The following GRK3 variants were observed in gnomAD, a reference collection of about 807,000 sequenced individuals.
GRK3 encodes adrenergic, beta, receptor kinase 2.
Under a neutral mutation model 95.7 loss-of-function variants are expected in GRK3, and 54 were observed. The observed-to-expected ratio is 0.56, with a 90% CI of 0.45 to 0.71. The LOEUF (loss-of-function observed/expected upper bound fraction) is 0.71, where lower values mean the gene tolerates loss of function less well. Ranked by LOEUF, GRK3 falls within the 30% of genes least tolerant of loss-of-function variation. The pLI is 0.00. For missense variants in GRK3, 649 were observed against 851.2 expected, an observed-to-expected ratio of 0.76 and a Z score of 2.96; for synonymous variants, 281 against 290.8, an observed-to-expected ratio of 0.97 and a Z score of 0.34.
chr22:25,711,231 C>T (rs917140017), intron 17 of GRK3, 68 bp downstream of exon 17: 11 of 1,085,396 alleles, frequency 1.0e-5, no homozygotes, highest in African/African-American at 9.5e-5. Context: ...GGAAATCAAA[C>T]TTAGTGGTTG....
intron 11 of GRK3, among the ~76,000 whole-genome samples, chr22:25,689,351 T>C (rs2085147216): frequency 6.6e-6 from 1 of 152,198 alleles, no homozygotes; most frequent in African/African-American, 2.4e-5. Context: ...TTATGCTTTA[T>C]TTTTATTTTC....
intron 11 of GRK3, among the ~76,000 whole-genome samples, chr22:25,688,338 C>T (rs946764125): frequency 4.0e-5 from 6 of 151,404 alleles, no homozygotes; most frequent in Admixed American, 2.0e-4. Context: ...CTGATTTGGT[C>T]GTGGCTCTGT....
chr22:25,699,699 C>T (rs111482983), intron 13 of GRK3, among the ~76,000 whole-genome samples: 3,869 of 128,966 alleles, frequency 0.03, 92 homozygotes, highest in African/African-American at 0.057. Context: ...CTTTTCTTTT[C>T]TTTTTTTTTT....
intron 13 of GRK3, among the ~76,000 whole-genome samples, chr22:25,699,224 G>A (rs1049029474): frequency 2.0e-5 from 3 of 152,088 alleles, no homozygotes; most frequent in Non-Finnish European, 2.9e-5. Flanking sequence ...TCAGCCTCCT[G>A]TGCATTTTTC....
Position 25,575,834 on chromosome 22 carries a change from G to A in GRK3, c.113+10681G>A, listed in dbSNP as rs1324673723. On this transcript the variant is annotated intron_variant, in intron 1 of 20. Transcript: ENST00000324198. ...GCTGGTTTTCTCCTTAGATACTAGT[G>A]TCTTGACTGTGGGGCAGGGAGTGGC... is the stretch of plus-strand genomic sequence containing the variant. Among the ~76,000 whole-genome samples, 9 of 152,290 alleles carry A rather than the reference G, an allele frequency of 5.9e-5. No homozygotes were observed. The South Asian group carries it at 6.2e-4, about 11-fold the overall frequency.
intron 15 of GRK3, among the ~76,000 whole-genome samples, chr22:25,708,102 G>A (rs182951808): frequency 6.6e-6 from 1 of 152,194 alleles, no homozygotes; most frequent in East Asian, 1.9e-4. Context: ...ATAATAATTA[G>A]CCGGGTGTGG....
intron 2 of GRK3, among the ~76,000 whole-genome samples, chr22:25,616,653 G>C (rs942896070): frequency 4.6e-5 from 7 of 152,188 alleles, no homozygotes; most frequent in African/African-American, 1.7e-4. Flanking sequence ...GACCATTGGG[G>C]TTGCCGTGGA....
At chr22:25,695,527 G>A (rs1006179332) in intron 13 of GRK3, among the ~76,000 whole-genome samples, 2 of 152,044 alleles carry the variant, frequency 1.3e-5, no homozygotes, top group East Asian at 3.8e-4. Context: ...GTATTGTTTT[G>A]AAATGTAGGT....
chr22:25,648,787 G>A (rs1193521089), intron 3 of GRK3: 22 of 1,194,044 alleles, frequency 1.8e-5, no homozygotes, highest in Admixed American at 1.7e-5. Context: ...TATATTCACC[G>A]AGATCTCTGG....
chr22:25,626,429 G>A (rs1325377025), intron 2 of GRK3, among the ~76,000 whole-genome samples: 1 of 152,148 alleles, frequency 6.6e-6, no homozygotes, highest in East Asian at 1.9e-4. Context: ...CTTGTACAGG[G>A]AGTGAGAGGG....
At chr22:25,698,139 GAGGA>G (rs112802345) in intron 13 of GRK3, among the ~76,000 whole-genome samples, 7,050 of 147,418 alleles carry the variant, frequency 0.048, 305 homozygotes, top group African/African-American at 0.11. Flanking sequence ...GAAGGAGAGG[GAGGA>G]AGGAAGGAAG....
At chr22:25,703,632 C>A in intron 14 of GRK3, 56 bp downstream of exon 14, 1 of 1,215,326 alleles carries the variant, frequency 8.2e-7, no homozygotes, top group Admixed American at 1.9e-5. Context: ...TGCTTCATTC[C>A]GTCAATAATA....
chr22:25,631,381 A>G (rs1345202055), intron 2 of GRK3, among the ~76,000 whole-genome samples: 4 of 152,328 alleles, frequency 2.6e-5, no homozygotes, highest in Admixed American at 2.0e-4. Flanking sequence ...ACTTGTGTTT[A>G]TGAAAACATC....
chr22:25,602,401 A>G (rs1331195561), intron 1 of GRK3, among the ~76,000 whole-genome samples: 1 of 152,248 alleles, frequency 6.6e-6, no homozygotes. Context: ...ACCAGTTTGT[A>G]ATATAGTTCA....
intron 2 of GRK3, among the ~76,000 whole-genome samples, chr22:25,611,910 G>T (rs1352928672): frequency 1.4e-5 from 2 of 143,316 alleles, no homozygotes; most frequent in Admixed American, 7.3e-5. Context: ...TGGGCTCACT[G>T]AAACCTCCAC....
At chr22:25,682,353 C>G (rs1193672209) in intron 9 of GRK3, among the ~76,000 whole-genome samples, 1 of 152,050 alleles carries the variant, frequency 6.6e-6, no homozygotes, top group Non-Finnish European at 1.5e-5. Context: ...TGGGACTTAT[C>G]CAAGTTAGAC....
intron 18 of GRK3, among the ~76,000 whole-genome samples, chr22:25,717,354 C>T (rs937255571): frequency 2.0e-5 from 3 of 152,288 alleles, no homozygotes; most frequent in South Asian, 2.1e-4. Flanking sequence ...CTCCATCCTT[C>T]CCCATCACCA....
chr22:25,675,446 G>T (rs2085020609), intron 8 of GRK3, among the ~76,000 whole-genome samples: 1 of 152,138 alleles, frequency 6.6e-6, no homozygotes, highest in Non-Finnish European at 1.5e-5. Context: ...GAATTCTTAA[G>T]TGTGGGGGAA....
At chr22:25,565,484 C>G (rs536850167) in intron 1 of GRK3, among the ~76,000 whole-genome samples, 1 of 152,290 alleles carries the variant, frequency 6.6e-6, no homozygotes, top group South Asian at 2.1e-4. Context: ...CTGTCCTGCC[C>G]TGTCCCATCC....
Sources: allele counts gnomAD v4.1 joint callset (sites outside exome capture counted in the v4.1 genomes callset), GRCh38; gene constraint gnomAD v4.1.1; transcripts MANE v1.5; gene names NCBI Gene and HGNC (gene_info 2026-07-23, HGNC 2026-07-21).